RBFOX1: variants seen among roughly 807,000 people sequenced by gnomAD.
RBFOX1 encodes RNA binding protein fox-1 homolog 1.
In RBFOX1, 8 loss-of-function variants were observed where a neutral mutation model predicts 57.7. The observed-to-expected ratio is 0.14, with a 90% CI of 0.08 to 0.25. RBFOX1 has a LOEUF of 0.25. RBFOX1 is among the 10% of genes least tolerant of loss of function. RBFOX1 has a pLI of 1.00. For missense variants in RBFOX1, 611 were observed against 548.5 expected (o/e 1.11, Z -1.14); for synonymous variants, 326 against 222.4 (o/e 1.47, Z -4.15).
intron 1 of RBFOX1, among the ~76,000 whole-genome samples, chr16:5,332,209 A>T (rs910501892): frequency 6.6e-6 from 1 of 152,168 alleles, no homozygotes; most frequent in African/African-American, 2.4e-5. Flanking sequence ...ACACCTAATG[A>T]TAACAGTTAG....
intron 3 of RBFOX1, among the ~76,000 whole-genome samples, chr16:6,874,390 G>GTCCCAGC (rs1412057555): frequency 6.6e-6 from 1 of 151,620 alleles, no homozygotes; most frequent in Non-Finnish European, 1.5e-5. Context: ...GGTGCCTGTA[G>GTCCCAGC]TCCCAGCTAC....
intron 3 of RBFOX1, among the ~76,000 whole-genome samples, chr16:6,977,873 C>G (rs1320151528): frequency 7.0e-6 from 1 of 143,192 alleles, no homozygotes; most frequent in African/African-American, 2.8e-5. Flanking sequence ...GAGAGAAACA[C>G]GTGAGCTGAG....
At chr16:7,094,847 A>G (rs1305877327) in intron 4 of RBFOX1, among the ~76,000 whole-genome samples, 1 of 151,700 alleles carries the variant, frequency 6.6e-6, no homozygotes, top group African/African-American at 2.4e-5. Context: ...TTACATTTAA[A>G]TAACTCACTT....
chr16:6,816,955 C>T (rs936766341), intron 3 of RBFOX1, among the ~76,000 whole-genome samples: 1 of 151,876 alleles, frequency 6.6e-6, no homozygotes, highest in African/African-American at 2.4e-5. Context: ...ACTGAGTTGC[C>T]CAGGGTGGTC....
intron 3 of RBFOX1, among the ~76,000 whole-genome samples, chr16:5,672,226 A>G (rs570756744): frequency 6.6e-6 from 1 of 152,308 alleles, no homozygotes; most frequent in Admixed American, 6.5e-5. Flanking sequence ...GGTGAGCTTC[A>G]TAGTGGCCCT....
intron 11 of RBFOX1, among the ~76,000 whole-genome samples, chr16:7,640,169 G>A (rs568049065): frequency 2.0e-5 from 3 of 152,128 alleles, no homozygotes; most frequent in South Asian, 2.1e-4. Flanking sequence ...TTCTTCATCC[G>A]TGTGTTGTTT....
chr16:6,838,176 C>G (rs908158244), intron 3 of RBFOX1, among the ~76,000 whole-genome samples: 7 of 152,118 alleles, frequency 4.6e-5, no homozygotes, highest in Non-Finnish European at 8.8e-5. Context: ...TCTACCTCCC[C>G]TTGCCCCCTA....
chr16:7,571,355 C>T (rs72774927), intron 5 of RBFOX1, among the ~76,000 whole-genome samples: 2,076 of 152,250 alleles, frequency 0.014, 18 homozygotes, highest in Non-Finnish European at 0.02. Context: ...AGGCATGTAT[C>T]TCTACACGAC....
intron 2 of RBFOX1, among the ~76,000 whole-genome samples, chr16:5,563,006 G>A (rs1386142257): frequency 1.3e-5 from 2 of 152,150 alleles, no homozygotes; most frequent in Non-Finnish European, 2.9e-5. Flanking sequence ...CTGGAGTGCA[G>A]TGGTATAATC....
At chr16:5,897,958 T>C (rs187103806) in intron 4 of RBFOX1, among the ~76,000 whole-genome samples, 1 of 152,030 alleles carries the variant, frequency 6.6e-6, no homozygotes, top group Non-Finnish European at 1.5e-5. Flanking sequence ...CTTCTGGGTA[T>C]GTATTGGTTT....
intron 3 of RBFOX1, among the ~76,000 whole-genome samples, chr16:6,689,701 G>A (rs7189797): frequency 0.8 from 121,481 of 152,098 alleles, 48,641 homozygotes; most frequent in Non-Finnish European, 0.81. Flanking sequence ...TGACATGTCC[G>A]TCATTCATGT....
At chr16:6,640,520 A>G (rs1395045614) in intron 2 of RBFOX1, among the ~76,000 whole-genome samples, 1 of 152,110 alleles carries the variant, frequency 6.6e-6, no homozygotes, top group Admixed American at 6.6e-5. Context: ...AGGCAGGAGA[A>G]TAGCGTGAAC....
rs866068220 is a variant in RBFOX1 at position 6,351,348 on chromosome 16, G to A, written c.-64+34291G>A. ...CGTGTGTGTGTGTGTGTGTGTGTGTGTGTGTATATATATATATATATATAT... is the reference window on the plus strand; with the variant it reads ...CGTGTGTGTGTGTGTGTGTGTGTGTATGTGTATATATATATATATATATAT... On this transcript the variant is annotated intron_variant, in intron 2 of 15. Transcript: ENST00000550418. Among the ~76,000 whole-genome samples the A allele has an allele frequency of 2.0e-3, 191 of 96,996 alleles. 2 individuals carry two copies. Among genetic ancestry groups the A allele is most frequent in the Admixed American group, 0.014 (124 of 8,856 alleles). The allele number at this position is 96,996 out of a possible 152,430, so 63.6% of individuals were successfully genotyped here. A position where few individuals can be genotyped will look rare whatever the true frequency, so the allele number is the denominator to read the frequency against.
chr16:6,846,777 C>G (rs2093777517), intron 3 of RBFOX1, among the ~76,000 whole-genome samples: 2 of 152,212 alleles, frequency 1.3e-5, no homozygotes, highest in East Asian at 1.9e-4. Context: ...TAGGAGATGG[C>G]CACTTTCTTA....
chr16:5,874,435 T>C (rs1313778519), intron 4 of RBFOX1, among the ~76,000 whole-genome samples: 2 of 152,160 alleles, frequency 1.3e-5, no homozygotes, highest in East Asian at 3.9e-4. Context: ...TTCTTGAGGC[T>C]GTTGTGTTTT....
chr16:7,243,172 T>G (rs558601147), intron 4 of RBFOX1, among the ~76,000 whole-genome samples: 20 of 152,292 alleles, frequency 1.3e-4, no homozygotes, highest in Admixed American at 8.5e-4. Context: ...AATCAGAAAG[T>G]GAATGTTCAG....
intron 1 of RBFOX1, chr16:6,092,531 A>G (rs577863025): frequency 1.3e-5 from 2 of 152,366 alleles, no homozygotes; most frequent in African/African-American, 4.8e-5. Context: ...TAACTTCACC[A>G]TAATACAAAT....
intron 2 of RBFOX1, among the ~76,000 whole-genome samples, chr16:6,485,869 T>C (rs2095469417): frequency 6.6e-6 from 1 of 152,154 alleles, no homozygotes; most frequent in East Asian, 1.9e-4. Flanking sequence ...CTGGATTCAT[T>C]TTAATCTGTA....
At position 6,921,645 on chromosome 16, in the gene RBFOX1, A is replaced by ATT. The variant is rs372298051; in HGVS notation, c.-15-130402_-15-130401dup. ...TTACTGTATATATATATATATATATATTTTTTTTTTTCTTAGGGTTGCTTT... is the reference window on the plus strand; with the variant it reads ...TTACTGTATATATATATATATATATATTTTTTTTTTTTTCTTAGGGTTGCTTT... On this transcript the variant is annotated intron_variant, in intron 3 of 15. Transcript: ENST00000550418. Among the ~76,000 whole-genome samples the ATT allele has an allele frequency of 8.1e-3, 448 of 55,260 alleles. 6 individuals carry two copies. Among genetic ancestry groups the ATT allele is most frequent in the African/African-American group, 0.025 (394 of 16,016 alleles). The allele number at this position is 55,260 out of a possible 152,430, so 36.3% of individuals were successfully genotyped here. A position where few individuals can be genotyped will look rare whatever the true frequency, so the allele number is the denominator to read the frequency against.
Sources: allele counts gnomAD v4.1 joint callset (sites outside exome capture counted in the v4.1 genomes callset), GRCh38; gene constraint gnomAD v4.1.1; transcripts MANE v1.5; gene names NCBI Gene and HGNC (gene_info 2026-07-23, HGNC 2026-07-21).